C4orf50: variants seen among roughly 807,000 people sequenced by gnomAD.
C4orf50 encodes uncharacterized protein C4orf50.
In C4orf50, 80 loss-of-function variants were observed where a neutral mutation model predicts 77.2. The observed-to-expected ratio is 1.04, with a 90% CI of 0.87 to 1.25. C4orf50 has a LOEUF of 1.25. Ranked by LOEUF, C4orf50 falls within the 50% of genes most tolerant of loss-of-function variation. The pLI is 0.00. For synonymous variants in C4orf50, 532 were observed against 465.3 expected, an observed-to-expected ratio of 1.14 and a Z score of -1.84; for missense variants, 1,257 against 1,152.9, an observed-to-expected ratio of 1.09 and a Z score of -1.31.
At chr4:5,987,352 AGTGAGCCG>A (rs1720921146) in intron 28 of C4orf50, among the ~76,000 whole-genome samples, 1 of 135,108 alleles carries the variant, frequency 7.4e-6, no homozygotes, top group South Asian at 2.6e-4. Flanking sequence ...TGGAGGTTAC[AGTGAGCCG>A]AGATCCCACC....
In C4orf50 at chr4:6,017,011, G is replaced by A. The variant is rs1250644912; in HGVS notation, c.287+1134C>T. Among the ~76,000 whole-genome samples, 21 of 152,146 alleles carry A rather than the reference G, an allele frequency of 1.4e-4. No individual in the cohort carries two copies. The highest frequency in any genetic ancestry group is 1.4e-3 in the Admixed American group (21 of 15,272). On this transcript the variant is annotated intron_variant, in intron 23 of 33. Coordinates refer to ENST00000531445, the Ensembl canonical transcript of C4orf50. The surrounding 1 kb of genome is among the most constrained non-coding windows in gnomAD (Gnocchi z 4.7). ...TGGGTTTCGCTGATCTATATACAAG[G>A]CCCAACCTCGTTCTGCCAGTCTGGG...
At chr4:5,923,572 C>T (rs565846549) in intron 7 of C4orf50, among the ~76,000 whole-genome samples, 13 of 151,748 alleles carry the variant, frequency 8.6e-5, no homozygotes, top group South Asian at 2.1e-4. Context: ...CAGGGCTGGG[C>T]GAGGGATCGG....
At chr4:6,001,209 C>T (rs945155860) in intron 25 of C4orf50, among the ~76,000 whole-genome samples, 21 of 152,120 alleles carry the variant, frequency 1.4e-4, no homozygotes, top group Non-Finnish European at 2.9e-5. Context: ...AGTGCAATGG[C>T]GCGATCTCAG....
exon 28 of C4orf50, chr4:5,988,366 G>A (rs1417628068): frequency 1.2e-6 from 2 of 1,613,986 alleles, no homozygotes; most frequent in Non-Finnish European, 1.7e-6. Flanking sequence ...ATTGCTCAGG[G>A]AGCTCAGAGC....
chr4:5,909,240 C>T (rs945083555), intron 7 of C4orf50, among the ~76,000 whole-genome samples: 4 of 152,160 alleles, frequency 2.6e-5, no homozygotes, highest in African/African-American at 9.7e-5. Flanking sequence ...ACATGACCTC[C>T]TTGCAGGCTG....
At chr4:5,953,725 G>A (rs1321897940), downstream of C4orf50, among the ~76,000 whole-genome samples, 1 of 152,130 alleles carries the variant, frequency 6.6e-6, no homozygotes, top group East Asian at 1.9e-4. Context: ...GGGGCCTGGG[G>A]GACTCCAAGA....
At chr4:5,975,217 G>C (rs1361418267) in intron 30 of C4orf50, among the ~76,000 whole-genome samples, 2 of 133,584 alleles carry the variant, frequency 1.5e-5, no homozygotes, top group Non-Finnish European at 3.2e-5. Flanking sequence ...TGATACAAAA[G>C]AGAGAGTGAT....
chr4:6,001,342 G>C (rs907389626), intron 25 of C4orf50, among the ~76,000 whole-genome samples: 12 of 152,126 alleles, frequency 7.9e-5, no homozygotes, highest in African/African-American at 2.9e-4. Context: ...TAGAGACAGG[G>C]TTTCACCATG....
intron 28 of C4orf50, among the ~76,000 whole-genome samples, chr4:5,981,127 C>G (rs564180343): frequency 4.6e-5 from 7 of 152,230 alleles, no homozygotes; most frequent in African/African-American, 1.7e-4. Context: ...CACAGATTTT[C>G]TATATAAAAT....
intron 23 of C4orf50, among the ~76,000 whole-genome samples, chr4:6,013,450 T>G (rs1320484515): frequency 6.6e-6 from 1 of 152,200 alleles, no homozygotes. Flanking sequence ...ATTCCTAATC[T>G]TAAACGGAGC....
chr4:5,989,636 C>T (rs931081567), exon 28 of C4orf50: 107 of 1,535,992 alleles, frequency 7.0e-5, no homozygotes, highest in Middle Eastern at 1.7e-4. Context: ...GCAAGCTCAT[C>T]GATTGTGAGT....
At chr4:5,989,355 T>C in exon 28 of C4orf50, 2 of 1,536,080 alleles carry the variant, frequency 1.3e-6, no homozygotes, top group Non-Finnish European at 1.7e-6. Context: ...AATGAGGCAG[T>C]GTCCCTGGGT....
At position 6,007,626 on chromosome 4, in the gene C4orf50, A is replaced by T. The variant is rs986753274; in HGVS notation, c.963+370T>A. ...AACAAGTGGTTTAGTAAGTGGGCTC[A>T]TAAGTGGCTGCGTGGACAAACAGGT... On this transcript the variant is annotated intron_variant, in intron 25 of 33. Coordinates refer to ENST00000531445, the Ensembl canonical transcript of C4orf50. The surrounding 1 kb of genome is among the most constrained non-coding windows in gnomAD (Gnocchi z 4.1). 1.3e-5 allele frequency among the ~76,000 whole-genome samples: 2 copies of T among 152,200 alleles called. No homozygotes were observed. The highest frequency in any genetic ancestry group is 6.5e-5 in the Admixed American group (1 of 15,280).
At chr4:6,003,011 C>A (rs993868811) in intron 25 of C4orf50, among the ~76,000 whole-genome samples, 1 of 152,212 alleles carries the variant, frequency 6.6e-6, no homozygotes, top group African/African-American at 2.4e-5. Flanking sequence ...CTCTCACATC[C>A]CAGGTCTTCT....
At chr4:5,955,920 G>A (rs141189070), downstream of C4orf50, among the ~76,000 whole-genome samples, 1 of 152,320 alleles carries the variant, frequency 6.6e-6, no homozygotes, top group African/African-American at 2.4e-5. The surrounding 1 kb of genome is among the most constrained non-coding windows in gnomAD (Gnocchi z 5.1). Flanking sequence ...CCCAAGCTCT[G>A]CAAGTAGATT....
At position 5,909,763 on chromosome 4, in the gene C4orf50, G is replaced by A. The variant is rs143761113; in HGVS notation, c.*2475-11575C>T. Among the ~76,000 whole-genome samples, 560 of 152,334 alleles carry A rather than the reference G, an allele frequency of 3.7e-3. 3 individuals carry two copies. Among genetic ancestry groups the A allele is most frequent in the Non-Finnish European group, 6.5e-3 (440 of 68,028 alleles). ...CCTAGCACCATTTATTGAAGGGAATGTTCTTTCCCCAATGTATGTTCTTGG... is the reference window on the plus strand; with the variant it reads ...CCTAGCACCATTTATTGAAGGGAATATTCTTTCCCCAATGTATGTTCTTGG... On this transcript the variant is annotated intron_variant, in intron 7 of 7. Coordinates refer to the C4orf50 transcript ENST00000324058.
At chr4:5,924,946 G>C (rs1348950255) in intron 7 of C4orf50, among the ~76,000 whole-genome samples, 3 of 152,130 alleles carry the variant, frequency 2.0e-5, no homozygotes, top group Non-Finnish European at 4.4e-5. Flanking sequence ...GGAGCACTTG[G>C]GTGGCAGGTG....
intron 25 of C4orf50, among the ~76,000 whole-genome samples, chr4:5,996,511 T>G (rs562194805): frequency 5.8e-5 from 8 of 136,916 alleles, no homozygotes; most frequent in Non-Finnish European, 6.1e-5. Flanking sequence ...CCTCAGAGCC[T>G]TTGCACACTG....
chr4:5,966,699 G>A (rs927668974), intron 32 of C4orf50, among the ~76,000 whole-genome samples: 2 of 150,732 alleles, frequency 1.3e-5, no homozygotes, highest in Non-Finnish European at 3.0e-5. Flanking sequence ...CACTAGGCTG[G>A]AGTACAGTGG....
Sources: gnomAD v4.1 joint callset for allele counts (sites outside exome capture counted in the v4.1 genomes callset) on GRCh38, gnomAD v4.1.1 for gene constraint, Gnocchi (gnomAD v3.1) non-coding constraint, MANE v1.5 for transcripts, NCBI Gene and HGNC (gene_info 2026-07-23, HGNC 2026-07-21) for gene names.